The following CENPP variants were observed in gnomAD, a reference collection of about 807,000 sequenced individuals.
CENPP encodes the protein centromere protein P.
In CENPP, 24 loss-of-function variants were observed where a neutral mutation model predicts 35.6. The observed-to-expected ratio is 0.67, with a 90% CI of 0.49 to 0.95. CENPP has a LOEUF of 0.95. Among genes scored for constraint, CENPP ranks in the 40% least tolerant of loss-of-function variants. The pLI is 0.00. For synonymous variants in CENPP, 120 were observed against 125.5 expected, an observed-to-expected ratio of 0.96 and a Z score of 0.29; for missense variants, 332 against 345.3, an observed-to-expected ratio of 0.96 and a Z score of 0.31.
intron 5 of CENPP, among the ~76,000 whole-genome samples, chr9:92,451,688 C>T (rs1372416015): frequency 1.3e-5 from 2 of 150,620 alleles, no homozygotes; most frequent in African/African-American, 4.9e-5. Context: ...TTACCTTGGG[C>T]AGTATGGCCA....
At chr9:92,386,419 A>C (rs1031760063) in intron 5 of CENPP, 4 of 626,442 alleles carry the variant, frequency 6.4e-6, no homozygotes, top group South Asian at 1.9e-5. Context: ...TGATATGAAT[A>C]CATCAATTAT....
chr9:92,325,767 G>A (rs1840437124), upstream of CENPP: 1 of 526,794 alleles, frequency 1.9e-6, no homozygotes, highest in Non-Finnish European at 3.4e-6. Context: ...TATAGCCACT[G>A]CTTAGACAGC....
intron 5 of CENPP, among the ~76,000 whole-genome samples, chr9:92,559,909 A>C (rs1588275465): frequency 6.6e-6 from 1 of 152,224 alleles, no homozygotes; most frequent in South Asian, 2.1e-4. Flanking sequence ...TTATGCCTGT[A>C]ATCCCAGCAC....
intron 5 of CENPP, chr9:92,517,328 G>A (rs779497865): frequency 8.1e-5 from 30 of 369,698 alleles, no homozygotes; most frequent in Non-Finnish European, 1.4e-4. Context: ...CGTTGCACTG[G>A]ATTAAGTGGG....
intron 5 of CENPP, among the ~76,000 whole-genome samples, chr9:92,401,381 C>A (rs956096320): frequency 6.6e-6 from 1 of 152,164 alleles, no homozygotes; most frequent in African/African-American, 2.4e-5. Flanking sequence ...TTATTCTAGA[C>A]TATGAGCTCC....
chr9:92,561,133 A>G (rs2131341861), intron 5 of CENPP, among the ~76,000 whole-genome samples: 1 of 152,242 alleles, frequency 6.6e-6, no homozygotes, highest in African/African-American at 2.4e-5. Context: ...TATGCTAATG[A>G]GTTACATACC....
chr9:92,401,914 G>A (rs2130929490), intron 5 of CENPP, among the ~76,000 whole-genome samples: 1 of 152,204 alleles, frequency 6.6e-6, no homozygotes, highest in South Asian at 2.1e-4. Context: ...TCTCGGTCTT[G>A]ACTCCTGACT....
intron 5 of CENPP, chr9:92,415,613 C>CT (rs1274213028): frequency 1.0e-5 from 4 of 399,810 alleles, no homozygotes; most frequent in Non-Finnish European, 1.7e-5. Context: ...ATTAGGTTTC[C>CT]TTTTTATATT....
intron 5 of CENPP, among the ~76,000 whole-genome samples, chr9:92,438,597 A>G (rs76178529): frequency 0.026 from 3,927 of 152,316 alleles, 77 homozygotes; most frequent in Non-Finnish European, 0.039. Flanking sequence ...GTGTGTCTAC[A>G]TCTACCATTA....
intron 5 of CENPP, chr9:92,459,809 G>T: frequency 6.3e-7 from 1 of 1,598,450 alleles, no homozygotes; most frequent in Non-Finnish European, 8.5e-7. Context: ...TTACACAGAT[G>T]GTTAGGTGTG....
chr9:92,555,037 T>C (rs1849692527), intron 5 of CENPP, among the ~76,000 whole-genome samples: 1 of 151,452 alleles, frequency 6.6e-6, no homozygotes, highest in South Asian at 2.1e-4. Context: ...GTTGTTGTTG[T>C]TGTGTCCTTT....
chr9:92,459,191 T>A (rs1051827961), intron 5 of CENPP, among the ~76,000 whole-genome samples: 4 of 152,148 alleles, frequency 2.6e-5, no homozygotes, highest in Non-Finnish European at 5.9e-5. Flanking sequence ...TAAAAAAAAA[T>A]ATACATGTCT....
intron 5 of CENPP, among the ~76,000 whole-genome samples, chr9:92,546,910 T>TATA (rs1563998086): frequency 6.6e-6 from 1 of 152,200 alleles, no homozygotes; most frequent in African/African-American, 2.4e-5. Context: ...CACAGGTCTC[T>TATA]ATATTCTTCA....
intron 4 of CENPP, among the ~76,000 whole-genome samples, chr9:92,354,597 C>T (rs916228910): frequency 2.0e-5 from 3 of 152,174 alleles, no homozygotes; most frequent in African/African-American, 7.2e-5. Context: ...TGGACTCTTG[C>T]TATCCTCCTG....
intron 5 of CENPP, among the ~76,000 whole-genome samples, chr9:92,537,591 C>T (rs556510516): frequency 5.1e-4 from 77 of 152,074 alleles, no homozygotes; most frequent in African/African-American, 1.6e-3. Flanking sequence ...ACCTAGGAGG[C>T]GGAGGTTGCA....
chr9:92,478,666 A>G (rs1322399451), intron 5 of CENPP, among the ~76,000 whole-genome samples: 1 of 151,966 alleles, frequency 6.6e-6, no homozygotes, highest in East Asian at 1.9e-4. Flanking sequence ...TTGGCCAGGC[A>G]GGTCTTGAAC....
chr9:92,428,989 A>C (rs1844036439), intron 5 of CENPP, among the ~76,000 whole-genome samples: 1 of 152,134 alleles, frequency 6.6e-6, no homozygotes, highest in South Asian at 2.1e-4. Context: ...GTTGTTAGCT[A>C]ACTCTTATCT....
chr9:92,353,241 G>T (rs962743402), intron 4 of CENPP, among the ~76,000 whole-genome samples: 14 of 152,208 alleles, frequency 9.2e-5, no homozygotes, highest in Non-Finnish European at 4.4e-5. Flanking sequence ...GACAATTACA[G>T]TCCCCGTTTC....
At chr9:92,601,004 C>T (rs929721749) in intron 5 of CENPP, among the ~76,000 whole-genome samples, 1 of 152,058 alleles carries the variant, frequency 6.6e-6, no homozygotes, top group African/African-American at 2.4e-5. Flanking sequence ...TGCTGTGCTC[C>T]CTTGTTTTTT....
Sources: gnomAD v4.1 joint callset for allele counts (sites outside exome capture counted in the v4.1 genomes callset) on GRCh38, gnomAD v4.1.1 for gene constraint, MANE v1.5 for transcripts, NCBI Gene and HGNC (gene_info 2026-07-23, HGNC 2026-07-21) for gene names.